YPEL1: variants seen among roughly 807,000 people sequenced by gnomAD.
The protein encoded by YPEL1 is yippee like 1.
A neutral mutation model predicts 17.3 loss-of-function variants in YPEL1; 7 were observed. That is an observed-to-expected ratio of 0.40 (90% CI 0.23 to 0.76). YPEL1 has a LOEUF of 0.76. YPEL1 is among the 30% of genes least tolerant of loss of function. The pLI is 0.35. For synonymous variants in YPEL1, 59 were observed against 59.6 expected (o/e 0.99, Z 0.05); for missense variants, 91 against 155.5 (o/e 0.59, Z 2.21).
chr22:21,704,658 G>GAAAAAAAAAAAAAA (rs34942655), intron 2 of YPEL1, among the ~76,000 whole-genome samples: 1 of 88,164 alleles, frequency 1.1e-5, no homozygotes, highest in Non-Finnish European at 2.3e-5. Context: ...ACCCCGTCTC[G>GAAAAAAAAAAAAAA]AAAAAAAAAA....
At chr22:21,706,353 G>A (rs575533609) in intron 2 of YPEL1, among the ~76,000 whole-genome samples, 33 of 144,560 alleles carry the variant, frequency 2.3e-4, no homozygotes, top group Middle Eastern at 4.1e-3. Context: ...TGCTTGAACC[G>A]GGACCCGGGA....
intron 1 of YPEL1, among the ~76,000 whole-genome samples, chr22:21,714,441 T>C (rs922997270): frequency 2.0e-5 from 3 of 152,296 alleles, no homozygotes; most frequent in African/African-American, 7.2e-5. Context: ...ACACCGACGA[T>C]GCTGTGAGAC....
intron 2 of YPEL1, among the ~76,000 whole-genome samples, chr22:21,709,896 G>C (rs778559822): frequency 8.6e-5 from 13 of 150,732 alleles, no homozygotes; most frequent in Admixed American, 4.0e-4. Context: ...ATGACCTGAG[G>C]ATCGGTGGTC....
At position 21,703,574 on chromosome 22, in the gene YPEL1, C is replaced by T; in HGVS notation, c.162-96G>A. The T allele has an allele frequency of 8.6e-7, 1 of 1,165,328 alleles. No homozygotes were observed. The highest frequency in any genetic ancestry group is 1.2e-6 in the Non-Finnish European group (1 of 803,922). 72.2% of individuals were successfully genotyped at this position (1,165,328 alleles called of 1,614,324 possible). On this transcript the variant is annotated intron_variant, in intron 3 of 4. Transcript: ENST00000339468. The surrounding 1 kb of genome is among the most constrained non-coding windows in gnomAD (Gnocchi z 6.1). The stretch of plus-strand genomic sequence containing the variant: ...GCCCCACCCCATCCTCCTAAGAGTT[C>T]CCCCAAAACAGGGAAACTCCCAGAG...
intron 1 of YPEL1, among the ~76,000 whole-genome samples, chr22:21,728,706 G>A (rs1004352739): frequency 1.3e-5 from 2 of 152,120 alleles, no homozygotes; most frequent in Non-Finnish European, 2.9e-5. Context: ...TAGCAGGTTG[G>A]CAATGATTTT....
At chr22:21,707,097 A>T (rs2068123032) in intron 2 of YPEL1, among the ~76,000 whole-genome samples, 1 of 152,094 alleles carries the variant, frequency 6.6e-6, no homozygotes, top group Non-Finnish European at 1.5e-5. Flanking sequence ...TTTTAATGTG[A>T]TTATGTGCAA....
intron 1 of YPEL1, among the ~76,000 whole-genome samples, chr22:21,717,233 G>A (rs979958059): frequency 1.8e-4 from 27 of 151,962 alleles, no homozygotes; most frequent in African/African-American, 4.8e-4. Context: ...AAAATTAGCC[G>A]GGCGTGGTGG....
At chr22:21,726,373 G>A (rs1309784582) in intron 1 of YPEL1, among the ~76,000 whole-genome samples, 1 of 152,180 alleles carries the variant, frequency 6.6e-6, no homozygotes, top group Non-Finnish European at 1.5e-5. Flanking sequence ...CCTTAGGGTC[G>A]GCAAATTCTC....
intron 1 of YPEL1, among the ~76,000 whole-genome samples, chr22:21,711,398 C>T (rs1031054585): frequency 1.3e-5 from 2 of 152,210 alleles, no homozygotes; most frequent in Non-Finnish European, 2.9e-5. Context: ...GCTTTGGAAA[C>T]ATGAAAGGAG....
At chr22:21,727,764 G>A (rs1208933584) in intron 1 of YPEL1, among the ~76,000 whole-genome samples, 3 of 152,256 alleles carry the variant, frequency 2.0e-5, no homozygotes, top group Non-Finnish European at 4.4e-5. Flanking sequence ...CTGGGTCGTC[G>A]CCCCATCCCT....
chr22:21,709,732 C>T (rs970804676), intron 2 of YPEL1, among the ~76,000 whole-genome samples: 2 of 151,952 alleles, frequency 1.3e-5, no homozygotes, highest in East Asian at 3.9e-4. Flanking sequence ...GATGGGGAGA[C>T]GTCATGACCT....
chr22:21,708,580 T>C (rs984888944), intron 2 of YPEL1, among the ~76,000 whole-genome samples: 1 of 151,778 alleles, frequency 6.6e-6, no homozygotes, highest in South Asian at 2.1e-4. Flanking sequence ...CCTCAAGTGA[T>C]CCACCCATCT....
chr22:21,732,685 G>A (rs1167131063), intron 1 of YPEL1, among the ~76,000 whole-genome samples: 2 of 152,026 alleles, frequency 1.3e-5, no homozygotes, highest in Non-Finnish European at 2.9e-5. Flanking sequence ...AGGAGGCTGA[G>A]ACAGGAGAAT....
chr22:21,735,566 CCA>C (rs139967375), intron 1 of YPEL1, 47 bp downstream of exon 1: 25,920 of 151,826 alleles, frequency 0.17, 2,405 homozygotes, highest in African/African-American at 0.22. Context: ...CCTTGGGTGG[CCA>C]CAAAGTAACC....
At chr22:21,721,605 G>C (rs886937744) in intron 1 of YPEL1, among the ~76,000 whole-genome samples, 6 of 152,112 alleles carry the variant, frequency 3.9e-5, no homozygotes, top group African/African-American at 1.4e-4. Flanking sequence ...TATATTTTTA[G>C]TAGAGAAGAG....
intron 1 of YPEL1, among the ~76,000 whole-genome samples, chr22:21,731,339 AAAAAG>A (rs1173092915): frequency 6.6e-6 from 1 of 152,008 alleles, no homozygotes; most frequent in Non-Finnish European, 1.5e-5. Flanking sequence ...GTCAAAAAAA[AAAAAG>A]AAAGAAAAGG....
chr22:21,730,375 C>T (rs1021395782), intron 1 of YPEL1, among the ~76,000 whole-genome samples: 9 of 152,050 alleles, frequency 5.9e-5, no homozygotes, highest in African/African-American at 1.9e-4. Flanking sequence ...AGGCACCTCC[C>T]ACCATGCCTG....
At chr22:21,724,114 G>T (rs546894265) in intron 1 of YPEL1, among the ~76,000 whole-genome samples, 32 of 152,304 alleles carry the variant, frequency 2.1e-4, no homozygotes, top group African/African-American at 7.7e-4. Flanking sequence ...CAGAGCCCCA[G>T]TCCCACTCCA....
chr22:21,735,297 C>A (rs1291468530), intron 1 of YPEL1, among the ~76,000 whole-genome samples: 2 of 151,522 alleles, frequency 1.3e-5, no homozygotes, highest in Non-Finnish European at 2.9e-5. Flanking sequence ...AAGGAAAATC[C>A]AAAAATCAGG....
Sources: allele counts gnomAD v4.1 joint callset (sites outside exome capture counted in the v4.1 genomes callset), GRCh38; gene constraint gnomAD v4.1.1; non-coding constraint Gnocchi (gnomAD v3.1); transcripts MANE v1.5; gene names NCBI Gene and HGNC (gene_info 2026-07-23, HGNC 2026-07-21).